The following KLHL18 variants were observed in gnomAD, a reference collection of about 807,000 sequenced individuals.
The protein encoded by KLHL18 is kelch-like protein 18.
KLHL18 carries 38 observed loss-of-function variants against 58.5 expected under a neutral mutation model. That is an observed-to-expected ratio of 0.65 (90% CI 0.50 to 0.85). KLHL18 has a LOEUF of 0.85. Among genes scored for constraint, KLHL18 ranks in the 40% least tolerant of loss-of-function variants. The probability of loss-of-function intolerance (pLI) is 0.00; values close to 1 mark genes in which losing one functional copy is unlikely to be tolerated. For missense variants in KLHL18, 624 were observed against 778.4 expected, an observed-to-expected ratio of 0.80 and a Z score of 2.36; for synonymous variants, 303 against 301.9, an observed-to-expected ratio of 1.00 and a Z score of -0.04.
chr3:47,297,415 A>G (rs1702920189), intron 1 of KLHL18: 1 of 364,934 alleles, frequency 2.7e-6, no homozygotes, highest in Non-Finnish European at 5.5e-6. Context: ...CCATTTCCTT[A>G]TATGCCATCT....
At chr3:47,309,683 A>T (rs1431752962) in intron 1 of KLHL18, among the ~76,000 whole-genome samples, 1 of 151,420 alleles carries the variant, frequency 6.6e-6, no homozygotes, top group African/African-American at 2.4e-5. Context: ...AGCCGAGATC[A>T]CGCCACTGCA....
intron 1 of KLHL18, 70 bp downstream of exon 1, chr3:47,283,164 C>A: frequency 2.5e-6 from 3 of 1,208,090 alleles, no homozygotes; most frequent in Non-Finnish European, 3.3e-6. Flanking sequence ...GGGCGGGGGA[C>A]AGAGAAAGAG....
In KLHL18 at chr3:47,319,719, A is replaced by G. The variant is rs148132460; in HGVS notation, c.196A>G (p.Met66Val). ...AGCCTCGATCCCGTATTTCCATGCT[A>G]TGTTTACAAATGACATGATGGAGTG... ...LAASIPYFHA[M>V]FTNDMMECKQ... is the part of the protein sequence containing the mutation. Residue 66 changes from methionine (M) to valine (V), a missense_variant, in exon 2 of 10, where the codon ATG becomes GTG. By Grantham distance (21) the Met-to-Val change is conservative. Transcript: ENST00000232766. 20 of 1,613,874 alleles carry G rather than the reference A, an allele frequency of 1.2e-5. No homozygotes were observed. The highest frequency in any genetic ancestry group is 2.7e-5 in the African/African-American group (2 of 74,900).
intron 3 of KLHL18, 61 bp downstream of exon 3, chr3:47,322,769 C>A: frequency 6.8e-7 from 1 of 1,461,320 alleles, no homozygotes; most frequent in Non-Finnish European, 9.1e-7. Flanking sequence ...AATCTTCTGC[C>A]AGTTTGCTGA....
intron 1 of KLHL18, among the ~76,000 whole-genome samples, chr3:47,287,997 CAGATCACG>C (rs987309410): frequency 1.2e-4 from 18 of 151,962 alleles, no homozygotes; most frequent in Non-Finnish European, 2.2e-4. Flanking sequence ...CCGAGATGGG[CAGATCACG>C]AGATCAAGAG....
At chr3:47,286,066 A>G (rs1230114074) in intron 1 of KLHL18, among the ~76,000 whole-genome samples, 1 of 152,030 alleles carries the variant, frequency 6.6e-6, no homozygotes, top group African/African-American at 2.4e-5. Context: ...AATCAGACGT[A>G]GTTTCAACTG....
chr3:47,292,583 G>C (rs1702811541), intron 1 of KLHL18, among the ~76,000 whole-genome samples: 1 of 151,870 alleles, frequency 6.6e-6, no homozygotes, highest in East Asian at 1.9e-4. Context: ...GCAACCCAAG[G>C]GTCTACCACT....
chr3:47,310,504 CTGTCTTCACTGATTATTTCCAAAAGTG>C (rs1207717649), intron 1 of KLHL18, among the ~76,000 whole-genome samples: 1 of 152,130 alleles, frequency 6.6e-6, no homozygotes, highest in Non-Finnish European at 1.5e-5. Flanking sequence ...GATCTTTTTT[CTGTCTTCACTGATTATTTCCAAAAGTG>C]TTATTTGAGC....
intron 4 of KLHL18, 89 bp from the exon 5 acceptor site, chr3:47,333,068 T>G (rs1180017932): frequency 7.3e-7 from 1 of 1,364,294 alleles, no homozygotes; most frequent in Non-Finnish European, 1.0e-6. Context: ...ACTGCTTCAG[T>G]ATAGGAAGTG....
At chr3:47,284,281 A>G (rs148121024) in intron 1 of KLHL18, among the ~76,000 whole-genome samples, 1 of 151,946 alleles carries the variant, frequency 6.6e-6, no homozygotes, top group East Asian at 1.9e-4. Context: ...ACAAATAAAT[A>G]AATAAAAGAA....
chr3:47,306,385 T>C lies in KLHL18; in HGVS notation c.130-13268T>C, dbSNP rs1471378799. Among the ~76,000 whole-genome samples, 3 of 152,174 alleles carry C rather than the reference T, an allele frequency of 2.0e-5. No homozygotes were observed. In the East Asian group the frequency reaches 5.8e-4, roughly 29 times the overall value. On this transcript the variant is annotated intron_variant, in intron 1 of 9. Coordinates refer to ENST00000232766, the MANE Select transcript of KLHL18 (RefSeq NM_025010.5). ...CAAATATTGCATAATGCAAATATCA[T>C]TGTAAGAGAGGAAACATTTTTGACA...
Position 47,312,240 on chromosome 3 carries a change from AT to A in KLHL18, c.130-7409del, listed in dbSNP as rs1290962381. On this transcript the variant is annotated intron_variant, in intron 1 of 9. Coordinates refer to ENST00000232766, the MANE Select transcript of KLHL18 (RefSeq NM_025010.5). The stretch of plus-strand genomic sequence containing the variant: ...TCCATGTGTATTCATGGGTATAGCT[AT>A]TTTAGTGTAGAGTGTTTTGTGTATA... Among the ~76,000 whole-genome samples the A allele has an allele frequency of 1.5e-3, 225 of 152,268 alleles. 2 individuals carry two copies. Among genetic ancestry groups the A allele is most frequent in the African/African-American group, 4.8e-3 (200 of 41,554 alleles).
chr3:47,338,098 G>C (rs1165942568), intron 7 of KLHL18: 1 of 152,050 alleles, frequency 6.6e-6, no homozygotes, highest in Non-Finnish European at 1.5e-5. Flanking sequence ...CTTCTCTTCT[G>C]ACATCCCACA....
At chr3:47,284,116 C>G (rs1045060126) in intron 1 of KLHL18, among the ~76,000 whole-genome samples, 1 of 151,960 alleles carries the variant, frequency 6.6e-6, no homozygotes, top group Non-Finnish European at 1.5e-5. Context: ...CCCGTAGTCC[C>G]AGCTACTCAG....
Position 47,330,036 on chromosome 3 carries a change from A to G in KLHL18, c.487A>G (p.Ile163Val). The G allele has an allele frequency of 6.2e-7, 1 of 1,614,090 alleles. No homozygotes were observed. The highest frequency in any genetic ancestry group is 8.5e-7 in the Non-Finnish European group (1 of 1,180,016). Residue 163 changes from isoleucine (I) to valine (V), a missense_variant, in exon 4 of 10, where the codon ATC (isoleucine) becomes GTC (valine). Transcript: ENST00000232766. ...GCTGTACGACGCTGCCAACAGCTTCATCCACCAGCACTTTGTGGAGGTGTC... is the reference window on the plus strand; with the variant it reads ...GCTGTACGACGCTGCCAACAGCTTCGTCCACCAGCACTTTGTGGAGGTGTC... ...AVLYDAANSF[I>V]HQHFVEVSMS...
chr3:47,323,780 T>C (rs1344031762), intron 3 of KLHL18, among the ~76,000 whole-genome samples: 3 of 152,188 alleles, frequency 2.0e-5, no homozygotes, highest in Non-Finnish European at 4.4e-5. Flanking sequence ...ACTAGGTATC[T>C]GGTCTGTCAG....
intron 2 of KLHL18, among the ~76,000 whole-genome samples, chr3:47,320,474 C>T (rs1258172778): frequency 1.3e-5 from 2 of 152,102 alleles, no homozygotes; most frequent in Non-Finnish European, 2.9e-5. Flanking sequence ...CAAGGTTATC[C>T]CCTTAGCTGG....
At chr3:47,286,286 A>G (rs1345438284) in intron 1 of KLHL18, among the ~76,000 whole-genome samples, 1 of 152,240 alleles carries the variant, frequency 6.6e-6, no homozygotes, top group Non-Finnish European at 1.5e-5. Flanking sequence ...CTGTAGCAAT[A>G]TAATGGTGGG....
chr3:47,324,486 A>C (rs926607004), intron 3 of KLHL18, among the ~76,000 whole-genome samples: 1 of 150,808 alleles, frequency 6.6e-6, no homozygotes, highest in African/African-American at 2.4e-5. Context: ...TGTCACTGTC[A>C]ACACTGGATC....
Sources: allele counts gnomAD v4.1 joint callset (sites outside exome capture counted in the v4.1 genomes callset), GRCh38; gene constraint gnomAD v4.1.1; transcripts MANE v1.5; gene names NCBI Gene and HGNC (gene_info 2026-07-23, HGNC 2026-07-21).